The following GABRR2 variants were observed in gnomAD, a reference collection of about 807,000 sequenced individuals.
The protein encoded by GABRR2 is gamma-aminobutyric acid receptor subunit rho-2.
In GABRR2, 36 loss-of-function variants were observed where a neutral mutation model predicts 47.0. The ratio of observed to expected loss-of-function variants is 0.77; its 90% CI spans 0.59 to 1.01. GABRR2 has a LOEUF of 1.01. Among genes scored for constraint, GABRR2 ranks in the 50% least tolerant of loss-of-function variants. GABRR2 has a pLI of 0.00. For synonymous variants in GABRR2, 204 were observed against 227.5 expected, an observed-to-expected ratio of 0.90 and a Z score of 0.93; for missense variants, 587 against 594.6, an observed-to-expected ratio of 0.99 and a Z score of 0.13.
rs3841698 is a variant in GABRR2 at position 89,265,272 on chromosome 6, T to TG, written c.889+340dup. On this transcript the variant is annotated intron_variant, in intron 7 of 8. Coordinates refer to ENST00000402938, the MANE Select transcript of GABRR2 (RefSeq NM_002043.5). ...AGTCTGTCTAAACACGGCCAGCAAA[T>TG]GAAGTTTTTGTATTTACAGAAGGAA... Among the ~76,000 whole-genome samples the TG allele has an allele frequency of 3.2e-3, 490 of 152,254 alleles. 10 individuals are homozygous for TG. The highest frequency in any genetic ancestry group is 0.026 in the Admixed American group (402 of 15,294).
intron 1 of GABRR2, among the ~76,000 whole-genome samples, chr6:89,308,158 T>A (rs748521362): frequency 3.0e-4 from 46 of 152,162 alleles, no homozygotes; most frequent in Non-Finnish European, 5.6e-4. Flanking sequence ...CTGTTTAAAC[T>A]CTGTAAGAGG....
chr6:89,284,529 C>T (rs1774302238), intron 2 of GABRR2, among the ~76,000 whole-genome samples: 1 of 152,152 alleles, frequency 6.6e-6, no homozygotes, highest in Non-Finnish European at 1.5e-5. Flanking sequence ...AAGAGAGAGG[C>T]AGAAGAGAAG....
chr6:89,302,114 C>T, intron 1 of GABRR2: 1 of 617,392 alleles, frequency 1.6e-6, no homozygotes, highest in Admixed American at 2.1e-5. Context: ...GGGTGCGGAG[C>T]TGGTGGATTC....
At position 89,261,422 on chromosome 6, in the gene GABRR2, G is replaced by A. The variant is rs143796735; in HGVS notation, c.1086+2990C>T. Among the ~76,000 whole-genome samples, 15 of 152,188 alleles carry A rather than the reference G, an allele frequency of 9.9e-5. No homozygotes were observed. In the East Asian group the frequency reaches 2.7e-3, roughly 27 times the overall value. On this transcript the variant is annotated intron_variant, in intron 8 of 8. Coordinates refer to ENST00000402938, the MANE Select transcript of GABRR2 (RefSeq NM_002043.5). Reference sequence around the variant, plus strand: ...AAACTGATGAACTGACCCCCCTCTTGGTCAAGGGGACCCCAGAGAAACCTT... The same window carrying A: ...AAACTGATGAACTGACCCCCCTCTTAGTCAAGGGGACCCCAGAGAAACCTT...
chr6:89,282,026 C>T (rs139557127), intron 2 of GABRR2, among the ~76,000 whole-genome samples: 29 of 152,272 alleles, frequency 1.9e-4, no homozygotes, highest in South Asian at 4.2e-4. Flanking sequence ...TCAACTCATC[C>T]GTCCAGCCAC....
intron 1 of GABRR2, among the ~76,000 whole-genome samples, chr6:89,310,400 C>A (rs1767661008): frequency 6.6e-6 from 1 of 152,102 alleles, no homozygotes; most frequent in Admixed American, 6.5e-5. Context: ...TGGTTTTCCT[C>A]CTACCTCTCT....
chr6:89,288,647 T>C (rs1217766784), intron 2 of GABRR2, among the ~76,000 whole-genome samples: 1 of 152,046 alleles, frequency 6.6e-6, no homozygotes, highest in African/African-American at 2.4e-5. Context: ...GTGTCCATGT[T>C]TTATTTTGAT....
At chr6:89,261,302 T>C (rs1773740556) in intron 8 of GABRR2, among the ~76,000 whole-genome samples, 1 of 152,224 alleles carries the variant, frequency 6.6e-6, no homozygotes, top group Non-Finnish European at 1.5e-5. Context: ...AAGTCAATTT[T>C]CTGAAGTAAA....
intron 2 of GABRR2, among the ~76,000 whole-genome samples, chr6:89,294,644 C>CT (rs879601737): frequency 6.8e-4 from 98 of 144,506 alleles, no homozygotes; most frequent in African/African-American, 9.1e-4. Flanking sequence ...CCAGGCTCTA[C>CT]TTTTTTTTTT....
intron 8 of GABRR2, among the ~76,000 whole-genome samples, chr6:89,263,501 C>T (rs1218819053): frequency 6.6e-6 from 1 of 152,102 alleles, no homozygotes; most frequent in Admixed American, 6.6e-5. Flanking sequence ...CAGTACAGTA[C>T]ATTATAGATA....
intron 3 of GABRR2, 43 bp downstream of exon 3, chr6:89,271,612 C>A (rs780056404): frequency 6.4e-7 from 1 of 1,558,296 alleles, no homozygotes; most frequent in South Asian, 1.1e-5. Context: ...AGGCCCACTA[C>A]ACTACAGGCT....
At position 89,256,558 on chromosome 6, in the gene GABRR2, G is replaced by A. The variant is rs1278837431; in HGVS notation, c.*1112C>T. On this transcript the variant is annotated 3_prime_UTR_variant, in exon 9 of 9. Coordinates refer to ENST00000402938, the MANE Select transcript of GABRR2 (RefSeq NM_002043.5). ...AACCTCTATGCCCTTGGAATGTCCTGTGAGATAGAAGGGTCTTTGTCTACT... is the reference window on the plus strand; with the variant it reads ...AACCTCTATGCCCTTGGAATGTCCTATGAGATAGAAGGGTCTTTGTCTACT... Among the ~76,000 whole-genome samples the A allele has an allele frequency of 2.6e-5, 4 of 152,170 alleles. No individual in the cohort carries two copies. The highest frequency in any genetic ancestry group is 4.8e-5 in the African/African-American group (2 of 41,434).
rs1773603131 is a variant in GABRR2, at chr6:89,256,543, C to T, written c.*1127G>A. 6.6e-6 allele frequency among the ~76,000 whole-genome samples: 1 copy of T among 152,094 alleles called. No homozygotes were observed. The highest frequency in any genetic ancestry group is 2.4e-5 in the African/African-American group (1 of 41,396). ...CCTTTACTAGGAAGCAACCTCTATGCCCTTGGAATGTCCTGTGAGATAGAA... is the reference window on the plus strand; with the variant it reads ...CCTTTACTAGGAAGCAACCTCTATGTCCTTGGAATGTCCTGTGAGATAGAA... On this transcript the variant is annotated 3_prime_UTR_variant, in exon 9 of 9. Transcript: ENST00000402938.
chr6:89,254,815 A>G lies in GABRR2; in HGVS notation c.*2855T>C, dbSNP rs555968422. ...TTTCCTACTTTTCTCAAGTAGTGTC[A>G]GACTAGTATACTGTAATAAGGCAAT... On this transcript the variant is annotated 3_prime_UTR_variant, in exon 9 of 9. Coordinates refer to ENST00000402938, the MANE Select transcript of GABRR2 (RefSeq NM_002043.5). 6.6e-6 allele frequency among the ~76,000 whole-genome samples: 1 copy of G among 152,270 alleles called. No individual in the cohort carries two copies. Among genetic ancestry groups the G allele is most frequent in the East Asian group, 1.9e-4 (1 of 5,182 alleles).
chr6:89,302,668 C>T, intron 1 of GABRR2: 2 of 1,295,634 alleles, frequency 1.5e-6, no homozygotes, highest in East Asian at 3.5e-5. Flanking sequence ...ATGATGGCTG[C>T]CCGCGACCGG....
chr6:89,299,327 C>T (rs1176551761), intron 2 of GABRR2, among the ~76,000 whole-genome samples: 1 of 152,204 alleles, frequency 6.6e-6, no homozygotes, highest in Non-Finnish European at 1.5e-5. Context: ...ATTCCACTCA[C>T]ACCCAGACAC....
intron 4 of GABRR2, among the ~76,000 whole-genome samples, chr6:89,268,720 C>G (rs981268794): frequency 6.6e-6 from 1 of 150,552 alleles, no homozygotes; most frequent in African/African-American, 2.4e-5. Context: ...TATTATCAAT[C>G]AACTAGAATC....
At chr6:89,308,389 T>C (rs1358671968) in intron 1 of GABRR2, among the ~76,000 whole-genome samples, 1 of 152,154 alleles carries the variant, frequency 6.6e-6, no homozygotes, top group South Asian at 2.1e-4. Context: ...GCCACACATA[T>C]GTGTTCGATA....
chr6:89,258,898 A>T (rs1283261544), intron 8 of GABRR2, among the ~76,000 whole-genome samples: 1 of 147,792 alleles, frequency 6.8e-6, no homozygotes, highest in Non-Finnish European at 1.5e-5. Flanking sequence ...TGAATGCATA[A>T]TACATTTTCT....
Sources: gnomAD v4.1 joint callset for allele counts (sites outside exome capture counted in the v4.1 genomes callset) on GRCh38, gnomAD v4.1.1 for gene constraint, MANE v1.5 for transcripts, NCBI Gene and HGNC (gene_info 2026-07-23, HGNC 2026-07-21) for gene names.